The following ITGB1BP2 variants were observed in gnomAD, a reference collection of about 807,000 sequenced individuals.
ITGB1BP2 encodes integrin subunit beta 1 binding protein 2.
ITGB1BP2 carries 27 observed loss-of-function variants against 32.2 expected under a neutral mutation model. The ratio of observed to expected loss-of-function variants is 0.84; its 90% CI spans 0.62 to 1.16. The LOEUF is 1.16. Ranked by LOEUF, ITGB1BP2 falls within the 50% of genes most tolerant of loss-of-function variation. ITGB1BP2 has a pLI of 0.00. For synonymous variants in ITGB1BP2, 105 were observed against 94.7 expected, an observed-to-expected ratio of 1.11 and a Z score of -0.63; for missense variants, 250 against 267.3, an observed-to-expected ratio of 0.94 and a Z score of 0.45.
chrX:71,302,579 ACTTTT>A, intron 4 of ITGB1BP2, 23 bp downstream of exon 4: 3 of 1,181,528 alleles, frequency 2.5e-6, no homozygotes, highest in Non-Finnish European at 3.4e-6. Flanking sequence ...AGGCCCCTGG[ACTTTT>A]CTTATTTTCA....
intron 10 of ITGB1BP2, 138 bp from the exon 11 acceptor site, chrX:71,304,827 A>G: frequency 2.0e-6 from 1 of 489,284 alleles, no homozygotes; most frequent in Non-Finnish European, 3.4e-6. Flanking sequence ...TCTCTCCCTT[A>G]TTGTCTTATT....
Position 71,305,031 on chromosome X carries a change from G to T in ITGB1BP2, c.883G>T (p.Ala295Ser), listed in dbSNP as rs1369658870. Residue 295 changes from alanine (A) to serine (S), a missense_variant, in exon 11 of 11, where the codon GCT becomes TCT. Transcript: ENST00000373829. ...TCGGGTTGAAATCTCCCTGGTCAAG[G>T]CTGACCCAGGATCCTGGGCCCAGCT... ...PSRVEISLVKADPGSWAQLEH... is the reference protein window; with the variant it reads ...PSRVEISLVKSDPGSWAQLEH... 2.5e-6 allele frequency: 3 copies of T among 1,211,149 alleles called. No homozygotes were observed. The highest frequency in any genetic ancestry group is 3.5e-5 in the South Asian group (2 of 56,933).
At position 71,303,489 on chromosome X, in the gene ITGB1BP2, C is replaced by T. The variant is rs1248393181; in HGVS notation, c.441C>T (p.Ser147=). 6.6e-6 allele frequency: 8 copies of T among 1,209,424 alleles called. No individual in the cohort carries two copies. The highest frequency in any genetic ancestry group is 7.8e-6 in the Non-Finnish European group (7 of 895,138). Reference sequence around the variant, plus strand: ...TTGACAGTCTGATCCGGACTGGTTCCAGCTGCCAGAACCCAGGATGTGATG... The same window carrying T: ...TTGACAGTCTGATCCGGACTGGTTCTAGCTGCCAGAACCCAGGATGTGATG... ...AGLDSLIRTG[S]SCQNPGCDAV... is the part of the protein sequence containing the mutation. The change falls in exon 6 of 11, where the codon TCC becomes TCT. Residue 147 remains serine, a synonymous_variant. Transcript: ENST00000373829.
In ITGB1BP2 at chrX:71,304,924, C is replaced by T. The variant is rs1349869638; in HGVS notation, c.817-41C>T. On this transcript the variant is annotated intron_variant, in intron 10 of 10. Coordinates refer to ENST00000373829, the MANE Select transcript of ITGB1BP2 (RefSeq NM_012278.4). ...CCCTGACCCCAATGCCTTTGATTTC[C>T]TCATTCTCTCTTTCTTCTGTTTTCC... 4.5e-6 allele frequency: 5 copies of T among 1,101,634 alleles called. No individual in the cohort carries two copies. The African/African-American group carries it at 9.1e-5, about 20-fold the overall frequency. 90.8% of individuals were successfully genotyped at this position (1,101,634 alleles called of 1,213,427 possible). A position where few individuals can be genotyped will look rare whatever the true frequency, so the allele number is the denominator to read the frequency against.
Position 71,301,887 on chromosome X carries a change from G to C in ITGB1BP2, c.64+17G>C. The C allele has an allele frequency of 8.5e-7, 1 of 1,180,470 alleles. No individual in the cohort carries two copies. The highest frequency in any genetic ancestry group is 1.2e-6 in the Non-Finnish European group (1 of 867,242). ...ACCTTCCTGGTGAGTAAAGAATCCT[G>C]ACCTGGCCAGGGGCTCTGTGTGGGT... On this transcript the variant is annotated intron_variant, in intron 1 of 10. Coordinates refer to ENST00000373829, the MANE Select transcript of ITGB1BP2 (RefSeq NM_012278.4).
At position 71,302,117 on chromosome X, in the gene ITGB1BP2, A is replaced by G. The variant is rs756666023; in HGVS notation, c.65-20A>G. 7 of 1,203,435 alleles carry G rather than the reference A, an allele frequency of 5.8e-6. 1 individual carries two copies. The South Asian group carries it at 1.2e-4, about 21-fold the overall frequency. ...TATAGTTATCTTCCCTTCCTTGATA[A>G]CTTCTACTGATGTCCACAGATTCCT... On this transcript the variant is annotated intron_variant, in intron 1 of 10. Coordinates refer to ENST00000373829, the MANE Select transcript of ITGB1BP2 (RefSeq NM_012278.4).
chrX:71,304,728 C>T, intron 10 of ITGB1BP2, 124 bp downstream of exon 10: 1 of 564,630 alleles, frequency 1.8e-6, no homozygotes, highest in East Asian at 3.6e-5. Context: ...TCTTCATTTG[C>T]TTTCATTTTC....
chrX:71,304,882 C>T (rs2031671524), intron 10 of ITGB1BP2, 83 bp from the exon 11 acceptor site: 3 of 754,643 alleles, frequency 4.0e-6, no homozygotes, highest in Non-Finnish European at 3.9e-6. Flanking sequence ...TTCTCTCTCT[C>T]ATTTGTCACC....
At chrX:71,303,213 G>T in intron 4 of ITGB1BP2, 49 bp from the exon 5 acceptor site, 1 of 1,039,085 alleles carries the variant, frequency 9.6e-7, no homozygotes, top group African/African-American at 1.9e-5. Flanking sequence ...GTTGGAGCTA[G>T]CAATCATAGC....
In ITGB1BP2 at chrX:71,303,283, G is replaced by C; in HGVS notation, c.339G>C (p.Leu113=). The change falls in exon 5 of 11, where the codon CTG becomes CTC. Residue 113 remains leucine, a synonymous_variant. Transcript: ENST00000373829. ...ERPKSELPLK[L]LPLNISQALE... Reference sequence around the variant, plus strand: ...CTAGGTCAGAGTTGCCTCTGAAGCTGCTGCCGCTAAATATATCCCAAGCCC... The same window carrying C: ...CTAGGTCAGAGTTGCCTCTGAAGCTCCTGCCGCTAAATATATCCCAAGCCC... 8.3e-7 allele frequency: 1 copy of C among 1,211,383 alleles called. No individual in the cohort carries two copies. The highest frequency in any genetic ancestry group is 1.7e-5 in the African/African-American group (1 of 57,838).
At chrX:71,302,730 C>A in intron 4 of ITGB1BP2, among the ~76,000 whole-genome samples, 174 bp downstream of exon 4, 1 of 111,295 alleles carries the variant, frequency 9.0e-6, no homozygotes, top group Middle Eastern at 4.7e-3. Flanking sequence ...GGAAATAACG[C>A]CCTTTCCTCT....
intron 10 of ITGB1BP2, 104 bp downstream of exon 10, chrX:71,304,708 G>GAA: frequency 1.5e-6 from 1 of 669,490 alleles, no homozygotes; most frequent in Non-Finnish European, 2.3e-6. Flanking sequence ...CTAGGAAAAT[G>GAA]GAGGTTTTCT....
Position 71,305,070 on chromosome X carries a change from G to A in ITGB1BP2, c.922G>A (p.Ala308Thr). ...GSWAQLEHPD[A>T]LAKKARAGVV... Reference sequence around the variant, plus strand: ...CTGGGCCCAGCTGGAGCACCCTGATGCACTAGCTAAGAAGGCTAGGGCAGG... The same window carrying A: ...CTGGGCCCAGCTGGAGCACCCTGATACACTAGCTAAGAAGGCTAGGGCAGG... Residue 308 changes from alanine to threonine, a missense_variant, in exon 11 of 11, where the codon GCA becomes ACA. Transcript: ENST00000373829. 1 of 1,211,493 alleles carries A rather than the reference G, an allele frequency of 8.3e-7. No homozygotes were observed. Among genetic ancestry groups the A allele is most frequent in the African/African-American group, 1.7e-5 (1 of 57,838 alleles).
intron 5 of ITGB1BP2, 36 bp from the exon 6 acceptor site, chrX:71,303,425 G>A: frequency 8.3e-7 from 1 of 1,210,308 alleles, no homozygotes; most frequent in Non-Finnish European, 1.1e-6. Context: ...TGAGTGGGGG[G>A]ATGGATAAGT....
In ITGB1BP2 at chrX:71,303,806, C is replaced by T. The variant is rs1210115082; in HGVS notation, c.540-6C>T. On this transcript the variant is annotated splice_polypyrimidine_tract_variant and splice_region_variant and intron_variant, in intron 7 of 10. Coordinates refer to ENST00000373829, the MANE Select transcript of ITGB1BP2 (RefSeq NM_012278.4). ...AGAATTCAGTTGAATTATCTTCCTACTTCAGGATGAAGTCTTGGAGCTGTT... is the reference window on the plus strand; with the variant it reads ...AGAATTCAGTTGAATTATCTTCCTATTTCAGGATGAAGTCTTGGAGCTGTT... The T allele has an allele frequency of 8.3e-7, 1 of 1,204,202 alleles. No homozygotes were observed. The highest frequency in any genetic ancestry group is 1.1e-6 in the Non-Finnish European group (1 of 889,866).
Position 71,302,530 on chromosome X carries a change from A to G in ITGB1BP2, c.291A>G (p.Ala97=). ...CTCTGAATGTGATTCCAAAGTCAGC[A>G]GAGACCTTGCGCCGGGAGAGGCCCA... is the stretch of plus-strand genomic sequence containing the variant. The part of the protein sequence containing the change: ...QKPLNVIPKS[A]ETLRRERPKS... The change falls in exon 4 of 11, where the codon GCA becomes GCG. Residue 97 remains alanine, a synonymous_variant. Coordinates refer to ENST00000373829, the MANE Select transcript of ITGB1BP2 (RefSeq NM_012278.4). The G allele has an allele frequency of 8.3e-7, 1 of 1,209,730 alleles. No individual in the cohort carries two copies. The highest frequency in any genetic ancestry group is 1.1e-6 in the Non-Finnish European group (1 of 894,681).
At chrX:71,304,147 A>G (rs767249146) in intron 8 of ITGB1BP2, 40 bp from the exon 9 acceptor site, 1 of 1,060,416 alleles carries the variant, frequency 9.4e-7, no homozygotes, top group Non-Finnish European at 1.3e-6. Context: ...TTCAGTTAAG[A>G]ATTTATTCTT....
chrX:71,303,877 G>T lies in ITGB1BP2; in HGVS notation c.605G>T (p.Gly202Val), dbSNP rs778990472. ...LDFGAFLAQP[G>V]CRVGRHDWGK... Reference sequence around the variant, plus strand: ...TTTGGGGCATTCTTGGCACAACCAGGGTGCAGAGTCGGTAGACATGACTGG... The same window carrying T: ...TTTGGGGCATTCTTGGCACAACCAGTGTGCAGAGTCGGTAGACATGACTGG... Residue 202 changes from glycine to valine, a missense_variant, in exon 8 of 11, where the codon GGG (glycine) becomes GTG (valine). Coordinates refer to ENST00000373829, the MANE Select transcript of ITGB1BP2 (RefSeq NM_012278.4). 1 of 1,206,549 alleles carries T rather than the reference G, an allele frequency of 8.3e-7. No individual in the cohort carries two copies.
At chrX:71,302,014 CT>C (rs1163306012) in intron 1 of ITGB1BP2, 122 bp from the exon 2 acceptor site, 27,146 of 583,939 alleles carry the variant, frequency 0.046, 1 homozygote, top group Non-Finnish European at 0.05. Context: ...CCTTTGCTGG[CT>C]TTTTTTTTTT....
Sources: gnomAD v4.1 joint callset for allele counts (sites outside exome capture counted in the v4.1 genomes callset) on GRCh38, gnomAD v4.1.1 for gene constraint, MANE v1.5 for transcripts, NCBI Gene and HGNC (gene_info 2026-07-23, HGNC 2026-07-21) for gene names.